The following ST18 variants were observed in gnomAD, a reference collection of about 807,000 sequenced individuals.
ST18 encodes the protein ST18 C2H2C-type zinc finger transcription factor.
Under a neutral mutation model 110.0 loss-of-function variants are expected in ST18, and 50 were observed. The observed-to-expected ratio is 0.45, with a 90% CI of 0.36 to 0.58. ST18 has a LOEUF of 0.58. Among genes scored for constraint, ST18 ranks in the 20% least tolerant of loss-of-function variants. The pLI is 0.00. For missense variants in ST18, 1,306 were observed against 1,280.1 expected (o/e 1.02, Z -0.31); for synonymous variants, 461 against 452.4 (o/e 1.02, Z -0.24).
At chr8:52,311,927 T>A (rs2095921732) in intron 2 of ST18, among the ~76,000 whole-genome samples, 1 of 152,142 alleles carries the variant, frequency 6.6e-6, no homozygotes, top group South Asian at 2.1e-4. Context: ...ATGAAACCAC[T>A]GGACAATGTT....
chr8:52,225,011 G>C (rs2088719061), intron 3 of ST18, among the ~76,000 whole-genome samples: 1 of 152,166 alleles, frequency 6.6e-6, no homozygotes, highest in Non-Finnish European at 1.5e-5. Context: ...TTTTGCTTTT[G>C]CAGATTGCTG....
chr8:52,345,857 A>G (rs1186053038), intron 2 of ST18, among the ~76,000 whole-genome samples: 4 of 152,234 alleles, frequency 2.6e-5, no homozygotes, highest in African/African-American at 7.2e-5. Context: ...TCTGCCCAGA[A>G]TCTTCAGCCA....
intron 9 of ST18, among the ~76,000 whole-genome samples, chr8:52,179,357 G>A (rs1455094729): frequency 6.6e-6 from 1 of 152,166 alleles, no homozygotes; most frequent in East Asian, 1.9e-4. Flanking sequence ...CACACAAAAG[G>A]TGTTTGATGA....
chr8:52,145,193 G>C (rs536687885), intron 16 of ST18, among the ~76,000 whole-genome samples: 124 of 152,066 alleles, frequency 8.2e-4, no homozygotes, highest in African/African-American at 2.7e-3. Flanking sequence ...TTGTTTTAGG[G>C]CTGAATCTAT....
chr8:52,334,933 T>C (rs1811365896), intron 2 of ST18, among the ~76,000 whole-genome samples: 1 of 152,316 alleles, frequency 6.6e-6, no homozygotes, highest in Non-Finnish European at 1.5e-5. Flanking sequence ...CCGTCCCTTT[T>C]CTTGTCTCAA....
intron 2 of ST18, chr8:52,254,419 T>G (rs2094459919): frequency 6.6e-6 from 1 of 152,168 alleles, no homozygotes; most frequent in Non-Finnish European, 1.5e-5. Flanking sequence ...CACCTCCCTA[T>G]TCAGACCTTC....
At chr8:52,236,069 G>T (rs1564234132) in intron 2 of ST18, among the ~76,000 whole-genome samples, 1 of 152,160 alleles carries the variant, frequency 6.6e-6, no homozygotes, top group Admixed American at 6.5e-5. Flanking sequence ...TAGTGGCAGT[G>T]GTGGGAAGTA....
At chr8:52,330,832 C>T (rs1589972819) in intron 2 of ST18, among the ~76,000 whole-genome samples, 2 of 152,160 alleles carry the variant, frequency 1.3e-5, no homozygotes, top group South Asian at 2.1e-4. Flanking sequence ...CTATAAACCA[C>T]GTGTGTGTAC....
At chr8:52,341,536 A>T (rs1815022425) in intron 2 of ST18, among the ~76,000 whole-genome samples, 1 of 152,240 alleles carries the variant, frequency 6.6e-6, no homozygotes, top group Non-Finnish European at 1.5e-5. Flanking sequence ...TGACCTTCAG[A>T]TGAAGGGATT....
At chr8:52,304,887 T>C (rs777340416) in intron 2 of ST18, among the ~76,000 whole-genome samples, 4 of 152,168 alleles carry the variant, frequency 2.6e-5, no homozygotes, top group African/African-American at 9.7e-5. Context: ...ACTAATCCCA[T>C]TCATAAGGGT....
At chr8:52,147,668 T>C (rs911339774) in intron 16 of ST18, among the ~76,000 whole-genome samples, 1 of 151,998 alleles carries the variant, frequency 6.6e-6, no homozygotes, top group Middle Eastern at 3.4e-3. Flanking sequence ...ATTTTGAACC[T>C]GCATGAAGCA....
At chr8:52,273,425 G>A (rs552660252) in intron 2 of ST18, among the ~76,000 whole-genome samples, 123 of 152,230 alleles carry the variant, frequency 8.1e-4, no homozygotes, top group African/African-American at 2.8e-3. Context: ...TGAAACCTGA[G>A]AGCCCCCAGA....
At chr8:52,234,716 TAAAG>T (rs1051597527) in intron 2 of ST18, among the ~76,000 whole-genome samples, 22 of 144,420 alleles carry the variant, frequency 1.5e-4, no homozygotes, top group African/African-American at 4.8e-4. Context: ...AACAAGTGGA[TAAAG>T]AAACTATGGT....
chr8:52,398,249 C>T (rs1053972188), intron 2 of ST18, among the ~76,000 whole-genome samples: 2 of 152,038 alleles, frequency 1.3e-5, no homozygotes, highest in African/African-American at 4.8e-5. Context: ...TGAAATGTAA[C>T]TGATTTTCTA....
chr8:52,403,857 T>C (rs1843598624), intron 2 of ST18: 1 of 152,194 alleles, frequency 6.6e-6, no homozygotes, highest in Non-Finnish European at 1.5e-5. Flanking sequence ...CATGCCTTGG[T>C]AAATTACAAA....
intron 16 of ST18, among the ~76,000 whole-genome samples, chr8:52,146,688 T>G (rs958726915): frequency 3.3e-5 from 5 of 152,178 alleles, no homozygotes; most frequent in African/African-American, 9.7e-5. Flanking sequence ...AATGAGCGCA[T>G]TTAATACAAT....
chr8:52,371,987 T>TA lies in ST18; in HGVS notation c.-465+37340dup, dbSNP rs1035611348. Among the ~76,000 whole-genome samples, 27 of 152,156 alleles carry TA rather than the reference T, an allele frequency of 1.8e-4. No individual in the cohort carries two copies. The East Asian group carries it at 3.7e-3, about 21-fold the overall frequency. Reference sequence around the variant, plus strand: ...TTAGAGTGTACTCCTTCTGCTTATTTAAAAAAAAGTTAACTACATAATAGC... The same window carrying TA: ...TTAGAGTGTACTCCTTCTGCTTATTTAAAAAAAAAGTTAACTACATAATAGC... On this transcript the variant is annotated intron_variant, in intron 2 of 25. Transcript: ENST00000689386.
In ST18 at chr8:52,172,408, G is replaced by A; in HGVS notation, c.453C>T (p.Asp151=). 6.2e-7 allele frequency: 1 copy of A among 1,613,962 alleles called. No individual in the cohort carries two copies. The change falls in exon 10 of 26, where the codon GAC becomes GAT. Residue 151 remains aspartate, a synonymous_variant. Coordinates refer to ENST00000689386, the MANE Select transcript of ST18 (RefSeq NM_001352837.2). ...SVQTVSENLN[D]SGIQSLKAES... is the part of the protein sequence containing the mutation. ...CTGCTTTTAAAGACTGGATGCCACT[G>A]TCATTTAAATTTTCACTTACAGTCT...
At chr8:52,150,347 T>C (rs1444902754) in intron 15 of ST18, among the ~76,000 whole-genome samples, 1 of 152,206 alleles carries the variant, frequency 6.6e-6, no homozygotes, top group Non-Finnish European at 1.5e-5. Flanking sequence ...TCTTCTTTTC[T>C]AGTTTACAGA....
Sources: allele counts gnomAD v4.1 joint callset (sites outside exome capture counted in the v4.1 genomes callset), GRCh38; gene constraint gnomAD v4.1.1; transcripts MANE v1.5; gene names NCBI Gene and HGNC (gene_info 2026-07-23, HGNC 2026-07-21).